TSHZ1: variants seen among roughly 807,000 people sequenced by gnomAD.
TSHZ1 encodes the protein teashirt zinc finger homeobox 1, also known as teashirt homolog 1.
In TSHZ1, 12 loss-of-function variants were observed where a neutral mutation model predicts 67.1. The ratio of observed to expected loss-of-function variants is 0.18; its 90% CI spans 0.11 to 0.29. The LOEUF is 0.29. Among genes scored for constraint, TSHZ1 ranks in the 10% least tolerant of loss-of-function variants. TSHZ1 has a pLI of 1.00. For synonymous variants in TSHZ1, 632 were observed against 622.4 expected (o/e 1.02, Z -0.23); for missense variants, 1,305 against 1,413.9 (o/e 0.92, Z 1.23).
At chr18:75,229,349 A>C (rs754637239) in intron 1 of TSHZ1, among the ~76,000 whole-genome samples, 1 of 152,236 alleles carries the variant, frequency 6.6e-6, no homozygotes, top group Admixed American at 6.5e-5. Flanking sequence ...GATGCGTCTC[A>C]TCTCTGGGAG....
chr18:75,212,785 A>G (rs528051322), intron 1 of TSHZ1, among the ~76,000 whole-genome samples: 1 of 152,272 alleles, frequency 6.6e-6, no homozygotes, highest in Admixed American at 6.5e-5. Flanking sequence ...CAGCTCACCT[A>G]CTAATCCATT....
chr18:75,223,914 C>T (rs905998499), intron 1 of TSHZ1, among the ~76,000 whole-genome samples: 3 of 152,032 alleles, frequency 2.0e-5, no homozygotes, highest in South Asian at 2.1e-4. Flanking sequence ...TGAGGTCAAC[C>T]ATGACTGACA....
chr18:75,268,281 A>G (rs995921109), intron 1 of TSHZ1, among the ~76,000 whole-genome samples: 3 of 152,222 alleles, frequency 2.0e-5, no homozygotes, highest in Admixed American at 2.0e-4. Flanking sequence ...CTGTATTTTC[A>G]TTGACATGCC....
At chr18:75,232,033 C>T (rs948352549) in intron 1 of TSHZ1, among the ~76,000 whole-genome samples, 1 of 152,120 alleles carries the variant, frequency 6.6e-6, no homozygotes, top group African/African-American at 2.4e-5. Context: ...ATTTTCATGC[C>T]TCAGCCTCCC....
Position 75,287,285 on chromosome 18 carries a change from C to G in TSHZ1, c.1878C>G (p.Ser626Arg). Residue 626 changes from serine (S) to arginine (R), a missense_variant, in exon 2 of 2, where the codon AGC becomes AGG. Ser to Arg is a moderately radical substitution (Grantham distance 110, BLOSUM62 -1). Coordinates refer to ENST00000580243, the MANE Select transcript of TSHZ1 (RefSeq NM_001308210.2). This position sits in a 1 kb window ranked among gnomAD's most constrained non-coding sequence, Gnocchi z 5.0. The stretch of plus-strand genomic sequence containing the variant: ...ACGCCCTCCTGCACTCCCCAGGGAG[C>G]CTCACGCCCCCACCGCACAAGAGCA... ...EHNALLHSPG[S>R]LTPPPHKSNV... is the part of the protein sequence containing the mutation. 2 of 1,614,000 alleles carry G rather than the reference C, an allele frequency of 1.2e-6. No individual in the cohort carries two copies. Among genetic ancestry groups the G allele is most frequent in the Non-Finnish European group, 1.7e-6 (2 of 1,179,996 alleles).
chr18:75,268,565 A>C (rs998719913), intron 1 of TSHZ1, among the ~76,000 whole-genome samples: 1 of 152,194 alleles, frequency 6.6e-6, no homozygotes, highest in Admixed American at 6.5e-5. Context: ...CGTGTCGGCT[A>C]CAAAACCACT....
chr18:75,234,343 C>A (rs12955812), intron 1 of TSHZ1, among the ~76,000 whole-genome samples: 10,851 of 152,244 alleles, frequency 0.071, 516 homozygotes, highest in Admixed American at 0.13. Context: ...CCATCCACTT[C>A]CTTATCTCTT....
chr18:75,226,249 A>C (rs1180786656), intron 1 of TSHZ1, among the ~76,000 whole-genome samples: 1 of 152,242 alleles, frequency 6.6e-6, no homozygotes, highest in Non-Finnish European at 1.5e-5. Context: ...GTCAGTAGAT[A>C]GTCTGTGTCT....
intron 1 of TSHZ1, among the ~76,000 whole-genome samples, chr18:75,271,153 G>A (rs972474702): frequency 1.3e-5 from 2 of 152,192 alleles, no homozygotes; most frequent in African/African-American, 2.4e-5. Flanking sequence ...TGGTTGCAGC[G>A]TGGACTCAGG....
At chr18:75,263,301 G>A (rs1295071505) in intron 1 of TSHZ1, among the ~76,000 whole-genome samples, 1 of 152,118 alleles carries the variant, frequency 6.6e-6, no homozygotes, top group Non-Finnish European at 1.5e-5. Context: ...ACCGTGAAGT[G>A]CTAGGTCTAC....
chr18:75,227,389 A>G (rs2022940381), intron 1 of TSHZ1, among the ~76,000 whole-genome samples: 2 of 152,150 alleles, frequency 1.3e-5, no homozygotes, highest in Admixed American at 1.3e-4. Context: ...TTCGAGTCTA[A>G]AAGTTGCTAA....
chr18:75,253,367 A>G (rs987075954), intron 1 of TSHZ1, among the ~76,000 whole-genome samples: 19 of 152,272 alleles, frequency 1.2e-4, no homozygotes, highest in African/African-American at 4.1e-4. Flanking sequence ...AAATACTATA[A>G]CTCTTCAACA....
Position 75,210,897 on chromosome 18 carries a change from G to GGC in TSHZ1, c.-979_-978insCG, listed in dbSNP as rs1568348879. ...ATCTCCCTCTCTCCCAGGAGTTTGA[G>GGC]GGGGGGGGGGACAGTCCACGCTCAT... On this transcript the variant is annotated 5_prime_UTR_variant, in exon 1 of 2. Transcript: ENST00000580243. 2 of 63,740 alleles carry GGC rather than the reference G, an allele frequency of 3.1e-5. No homozygotes were observed. Among genetic ancestry groups the GGC allele is most frequent in the Admixed American group, 1.5e-4 (1 of 6,644 alleles). 3.9% of individuals were successfully genotyped at this position (63,740 alleles called of 1,614,324 possible).
intron 1 of TSHZ1, among the ~76,000 whole-genome samples, chr18:75,228,129 T>C (rs2022949721): frequency 6.6e-6 from 1 of 152,194 alleles, no homozygotes; most frequent in African/African-American, 2.4e-5. Context: ...TTTTAATGGA[T>C]GGATGCTTTT....
At position 75,287,204 on chromosome 18, in the gene TSHZ1, G is replaced by A. The variant is rs765916578; in HGVS notation, c.1797G>A (p.Val599=). 1.2e-6 allele frequency: 2 copies of A among 1,613,766 alleles called. 1 individual carries two copies. The highest frequency in any genetic ancestry group is 2.2e-5 in the South Asian group (2 of 91,050). Residue 599 remains valine (V), a synonymous_variant, in exon 2 of 2, where the codon GTG becomes GTA. Transcript: ENST00000580243. This position sits in a 1 kb window ranked among gnomAD's most constrained non-coding sequence, Gnocchi z 5.0. Reference sequence around the variant, plus strand: ...CACTGCCGGCGGCCGTGCAGAGCGTGCAGGTGCAGCCGTCCTATGCTGGCG... The same window carrying A: ...CACTGCCGGCGGCCGTGCAGAGCGTACAGGTGCAGCCGTCCTATGCTGGCG... ...VKPLPAAVQS[V]QVQPSYAGGV... is the part of the protein sequence containing the mutation.
intron 1 of TSHZ1, among the ~76,000 whole-genome samples, chr18:75,255,448 A>G (rs1403606371): frequency 6.6e-6 from 1 of 152,216 alleles, no homozygotes; most frequent in African/African-American, 2.4e-5. Context: ...CTTACAGGTA[A>G]TAACTTATAT....
In TSHZ1 at chr18:75,238,357, G is replaced by A. The variant is rs1026020395; in HGVS notation, c.40+26441G>A. Among the ~76,000 whole-genome samples the A allele has an allele frequency of 8.5e-5, 13 of 152,274 alleles. No individual in the cohort carries two copies. The East Asian group carries it at 2.1e-3, about 25-fold the overall frequency. ...GGTGTAGACGTGTAGTAGAGTCGTC[G>A]TAGGCAGCTCCTGTAGCCACCTGTG... On this transcript the variant is annotated intron_variant, in intron 1 of 1. Transcript: ENST00000580243.
intron 1 of TSHZ1, among the ~76,000 whole-genome samples, chr18:75,240,181 A>G (rs1384540849): frequency 1.3e-5 from 2 of 152,196 alleles, no homozygotes; most frequent in African/African-American, 4.8e-5. Context: ...AAGCAAAGCT[A>G]AAATTTGCTT....
intron 1 of TSHZ1, chr18:75,284,114 G>A (rs996190284): frequency 6.6e-6 from 1 of 152,648 alleles, no homozygotes; most frequent in East Asian, 1.9e-4. Flanking sequence ...AAGTAAAAGT[G>A]CCTTGGTCAA....
Sources: allele counts gnomAD v4.1 joint callset (sites outside exome capture counted in the v4.1 genomes callset), GRCh38; gene constraint gnomAD v4.1.1; non-coding constraint Gnocchi (gnomAD v3.1); transcripts MANE v1.5; gene names NCBI Gene and HGNC (gene_info 2026-07-23, HGNC 2026-07-21).